TET1: variants seen among roughly 807,000 people sequenced by gnomAD.
TET1 encodes tet methylcytosine dioxygenase 1.
TET1 carries 13 observed loss-of-function variants against 148.7 expected under a neutral mutation model. The ratio of observed to expected loss-of-function variants is 0.09; its 90% CI spans 0.06 to 0.14. TET1 has a LOEUF of 0.14. TET1 is among the 10% of genes least tolerant of loss of function. The pLI is 1.00. For missense variants in TET1, 2,182 were observed against 2,553.8 expected (o/e 0.85, Z 3.14); for synonymous variants, 907 against 937.2 (o/e 0.97, Z 0.59).
rs2055618396 is a variant in TET1 at position 68,693,486 on chromosome 10, A to T, written c.*1672A>T. On this transcript the variant is annotated 3_prime_UTR_variant, in exon 12 of 12. Coordinates refer to ENST00000373644, the MANE Select transcript of TET1 (RefSeq NM_030625.3). ...AACTTATTAAAATAATATCTGGTGCAAAGTATCTGTTTTGAGCTTTTGACT... is the reference window on the plus strand; with the variant it reads ...AACTTATTAAAATAATATCTGGTGCTAAGTATCTGTTTTGAGCTTTTGACT... 4.3e-6 allele frequency: 1 copy of T among 233,286 alleles called. No individual in the cohort carries two copies. The highest frequency in any genetic ancestry group is 2.2e-5 in the African/African-American group (1 of 45,334). 14.5% of individuals were successfully genotyped at this position (233,286 alleles called of 1,614,324 possible).
chr10:68,591,436 A>G (rs1179051108), intron 2 of TET1, among the ~76,000 whole-genome samples: 1 of 152,202 alleles, frequency 6.6e-6, no homozygotes, highest in Non-Finnish European at 1.5e-5. Flanking sequence ...AGCATCCCCT[A>G]CTTCCAACAT....
At chr10:68,583,252 A>G (rs2053822479) in intron 2 of TET1, among the ~76,000 whole-genome samples, 1 of 152,180 alleles carries the variant, frequency 6.6e-6, no homozygotes, top group South Asian at 2.1e-4. Context: ...AGAATTGACT[A>G]TATCAAAGCT....
intron 3 of TET1, among the ~76,000 whole-genome samples, chr10:68,643,737 C>T (rs920853592): frequency 4.6e-5 from 7 of 151,246 alleles, no homozygotes; most frequent in African/African-American, 1.2e-4. Flanking sequence ...TGCTCGAACC[C>T]GGGAGGCAGA....
At chr10:68,569,258 T>C (rs1252573265) in intron 1 of TET1, among the ~76,000 whole-genome samples, 2 of 146,060 alleles carry the variant, frequency 1.4e-5, no homozygotes, top group Non-Finnish European at 3.0e-5. Context: ...CTGCAAGCTC[T>C]GCCTCCCGGG....
chr10:68,663,040 G>A (rs1218359556), intron 6 of TET1, among the ~76,000 whole-genome samples: 1 of 152,214 alleles, frequency 6.6e-6, no homozygotes, highest in Non-Finnish European at 1.5e-5. Context: ...AGAATTACCT[G>A]TTGGGTACAA....
At chr10:68,632,492 C>G in intron 3 of TET1, 1 of 1,612,818 alleles carries the variant, frequency 6.2e-7, no homozygotes. Context: ...TCATTAGGAT[C>G]TGTTGTGGCT....
intron 3 of TET1, among the ~76,000 whole-genome samples, chr10:68,617,634 C>T (rs1315516593): frequency 6.6e-6 from 1 of 152,026 alleles, no homozygotes; most frequent in African/African-American, 2.4e-5. Flanking sequence ...CAACCTCCAC[C>T]TCCCGGGTTC....
intron 3 of TET1, among the ~76,000 whole-genome samples, chr10:68,642,993 C>T (rs2394481): frequency 0.72 from 109,040 of 151,844 alleles, 40,864 homozygotes; most frequent in East Asian, 0.84. Context: ...TGCAGCGGCT[C>T]GTGTCTGTAA....
chr10:68,630,802 G>A (rs562132347), intron 3 of TET1, among the ~76,000 whole-genome samples: 4 of 152,326 alleles, frequency 2.6e-5, no homozygotes, highest in Non-Finnish European at 4.4e-5. Context: ...ATAGGTGGAC[G>A]TGGGAGCCAG....
intron 6 of TET1, among the ~76,000 whole-genome samples, chr10:68,662,591 G>A (rs1193014865): frequency 6.6e-6 from 1 of 151,924 alleles, no homozygotes; most frequent in Non-Finnish European, 1.5e-5. Flanking sequence ...ATATGTGTAT[G>A]TATAATAGAC....
At chr10:68,679,536 T>C (rs1392648235) in intron 8 of TET1, among the ~76,000 whole-genome samples, 1 of 152,218 alleles carries the variant, frequency 6.6e-6, no homozygotes, top group Non-Finnish European at 1.5e-5. Flanking sequence ...CCCAGCCCAC[T>C]GGATACTTCC....
intron 1 of TET1, among the ~76,000 whole-genome samples, chr10:68,567,528 A>G (rs1181165132): frequency 6.6e-6 from 1 of 152,112 alleles, no homozygotes; most frequent in Non-Finnish European, 1.5e-5. Flanking sequence ...TCCCGACCTC[A>G]GGTGATCCAC....
rs1564504092 is a variant in TET1, at chr10:68,672,507, A to AAC, written c.4674-387_4674-386insCA. Reference sequence around the variant, plus strand: ...CATCTCAAAAAAAAAAAAAAAAAAAAAAAACACCAAAAAAAAAAAAAAGAA... The same window carrying AAC: ...CATCTCAAAAAAAAAAAAAAAAAAAAACAAAACACCAAAAAAAAAAAAAAGAA... On this transcript the variant is annotated intron_variant, in intron 7 of 11. Coordinates refer to ENST00000373644, the MANE Select transcript of TET1 (RefSeq NM_030625.3). 7.4e-5 allele frequency among the ~76,000 whole-genome samples: 11 copies of AAC among 148,748 alleles called. No individual in the cohort carries two copies. The East Asian group carries it at 2.2e-3, about 29-fold the overall frequency.
chr10:68,617,335 T>G (rs1290231787), intron 3 of TET1, among the ~76,000 whole-genome samples: 1 of 151,796 alleles, frequency 6.6e-6, no homozygotes, highest in Non-Finnish European at 1.5e-5. Flanking sequence ...ATTTTTAAAC[T>G]TTTTTACAGA....
chr10:68,689,766 G>A (rs1452121747), intron 11 of TET1, among the ~76,000 whole-genome samples: 4 of 130,468 alleles, frequency 3.1e-5, no homozygotes, highest in East Asian at 4.6e-4. Context: ...GCAACAGAGC[G>A]AGACTCCATC....
chr10:68,597,445 C>A (rs2054001961), intron 2 of TET1, among the ~76,000 whole-genome samples: 1 of 152,152 alleles, frequency 6.6e-6, no homozygotes, highest in Non-Finnish European at 1.5e-5. Context: ...TTCAAACATT[C>A]AACAGAAGAG....
intron 3 of TET1, among the ~76,000 whole-genome samples, chr10:68,626,990 T>TG: frequency 6.6e-6 from 1 of 152,336 alleles, no homozygotes; most frequent in South Asian, 2.1e-4. Flanking sequence ...AAAGAACACT[T>TG]GGATGGGCGT....
rs772833644 is a variant in TET1 at position 68,667,227 on chromosome 10, T to C, written c.4644T>C (p.Pro1548=). Residue 1548 remains proline, a synonymous_variant, in exon 7 of 12, where the codon CCT becomes CCC. Transcript: ENST00000373644. ...ATCTAAAGTCATACAATGGGCACCC[T>C]ACCGACAGAAGATGCACCCTCAATG... ...TENLKSYNGH[P]TDRRCTLNEN... is the part of the protein sequence containing the mutation. 6.2e-7 allele frequency: 1 copy of C among 1,613,826 alleles called. No individual in the cohort carries two copies. Among genetic ancestry groups the C allele is most frequent in the Non-Finnish European group, 8.5e-7 (1 of 1,179,892 alleles).
At chr10:68,596,023 C>CATAT (rs1273677017) in intron 2 of TET1, among the ~76,000 whole-genome samples, 23 of 95,424 alleles carry the variant, frequency 2.4e-4, no homozygotes, top group South Asian at 3.8e-4. Context: ...CACACACACA[C>CATAT]ACACATATAT....
Sources: gnomAD v4.1 joint callset for allele counts (sites outside exome capture counted in the v4.1 genomes callset) on GRCh38, gnomAD v4.1.1 for gene constraint, MANE v1.5 for transcripts, NCBI Gene and HGNC (gene_info 2026-07-23, HGNC 2026-07-21) for gene names.